The following RERE variants were observed in gnomAD, a reference collection of about 807,000 sequenced individuals.
The protein encoded by RERE is arginine-glutamic acid dipeptide repeats.
In RERE, 40 loss-of-function variants were observed where a neutral mutation model predicts 146.1. The ratio of observed to expected loss-of-function variants is 0.27; its 90% CI spans 0.21 to 0.36. The LOEUF is 0.36. RERE is among the 10% of genes least tolerant of loss of function. RERE has a pLI of 1.00. For synonymous variants in RERE, 1,003 were observed against 866.0 expected, an observed-to-expected ratio of 1.16 and a Z score of -2.78; for missense variants, 1,933 against 2,138.7, an observed-to-expected ratio of 0.90 and a Z score of 1.90.
chr1:8,541,194 G>T lies in RERE; in HGVS notation c.830+20C>A. ...AAAGGAAAAGAGTTCTCAATGAATG[G>T]ACACAAGTGACTCACTTACCTTGTC... On this transcript the variant is annotated intron_variant, in intron 7 of 22. Transcript: ENST00000400908. 7.6e-7 allele frequency: 1 copy of T among 1,310,874 alleles called. No homozygotes were observed. Among genetic ancestry groups the T allele is most frequent in the Middle Eastern group, 1.8e-4 (1 of 5,442 alleles). 81.2% of individuals were successfully genotyped at this position (1,310,874 alleles called of 1,614,324 possible).
chr1:8,464,039 G>A (rs897911744), intron 11 of RERE, among the ~76,000 whole-genome samples: 2 of 152,148 alleles, frequency 1.3e-5, no homozygotes, highest in African/African-American at 2.4e-5. Flanking sequence ...CAGGCTTACA[G>A]TAAAAAAACA....
intron 4 of RERE, among the ~76,000 whole-genome samples, chr1:8,579,870 G>A (rs1162898212): frequency 6.6e-6 from 1 of 152,198 alleles, no homozygotes; most frequent in Non-Finnish European, 1.5e-5. Flanking sequence ...TGGGCGTGGT[G>A]GCGCATGCCT....
chr1:8,671,694 AAAAGAG>A (rs1168119836), intron 1 of RERE, among the ~76,000 whole-genome samples: 6 of 152,232 alleles, frequency 3.9e-5, no homozygotes, highest in Non-Finnish European at 8.8e-5. Flanking sequence ...TGTCCATGTG[AAAAGAG>A]AAAAAGAAAA....
intron 1 of RERE, among the ~76,000 whole-genome samples, chr1:8,764,948 A>G (rs1326645943): frequency 6.6e-6 from 1 of 152,222 alleles, no homozygotes; most frequent in African/African-American, 2.4e-5. Context: ...AGTTTCTCAA[A>G]ATGTTAAACA....
At chr1:8,747,811 G>A (rs192681857) in intron 1 of RERE, among the ~76,000 whole-genome samples, 91 of 151,976 alleles carry the variant, frequency 6.0e-4, no homozygotes, top group African/African-American at 1.7e-3. Context: ...TTGCTCTGTC[G>A]CCCGCGCTGG....
chr1:8,771,637 A>G (rs961647416), intron 1 of RERE, among the ~76,000 whole-genome samples: 1 of 151,714 alleles, frequency 6.6e-6, no homozygotes, highest in Non-Finnish European at 1.5e-5. Flanking sequence ...TGGGCCGGGC[A>G]TGGTGGCTCA....
At chr1:8,808,964 T>C (rs1393104995) in intron 1 of RERE, among the ~76,000 whole-genome samples, 1 of 151,880 alleles carries the variant, frequency 6.6e-6, no homozygotes, top group Non-Finnish European at 1.5e-5. Context: ...GGTGAAACCC[T>C]GTCTCCACTA....
At chr1:8,376,711 G>A (rs1385294003) in intron 12 of RERE, among the ~76,000 whole-genome samples, 1 of 152,220 alleles carries the variant, frequency 6.6e-6, no homozygotes, top group Admixed American at 6.5e-5. Context: ...TGATGCCTGA[G>A]TCTAGATAAG....
In RERE at chr1:8,631,710, T is replaced by C. The variant is rs570040209; in HGVS notation, c.326-7330A>G. ...GTCAGCTGTGTTGGTTGAGTCCCTA[T>C]CATGAAAGTGAGTTTAGCCAATGTA... is the stretch of plus-strand genomic sequence containing the variant. On this transcript the variant is annotated intron_variant, in intron 2 of 22. Transcript: ENST00000400908. 2.6e-5 allele frequency among the ~76,000 whole-genome samples: 4 copies of C among 152,296 alleles called. No homozygotes were observed. In the South Asian group the frequency reaches 8.3e-4, roughly 32 times the overall value.
intron 12 of RERE, among the ~76,000 whole-genome samples, chr1:8,413,898 A>G (rs990479240): frequency 6.6e-6 from 1 of 151,852 alleles, no homozygotes; most frequent in Non-Finnish European, 1.5e-5. Flanking sequence ...TCTACTAAAA[A>G]TACAAAATTA....
intron 4 of RERE, among the ~76,000 whole-genome samples, chr1:8,564,832 A>G (rs12048009): frequency 0.59 from 81,630 of 138,756 alleles, 23,691 homozygotes; most frequent in East Asian, 0.82. Flanking sequence ...GTATATGTGT[A>G]TGTGTGTGTG....
intron 1 of RERE, among the ~76,000 whole-genome samples, chr1:8,715,684 G>A (rs779090670): frequency 1.3e-5 from 2 of 152,016 alleles, no homozygotes; most frequent in African/African-American, 2.4e-5. Flanking sequence ...CAGGCAGATT[G>A]CTTGAGCTCA....
intron 1 of RERE, among the ~76,000 whole-genome samples, chr1:8,693,580 G>C (rs1023414461): frequency 6.6e-6 from 1 of 152,148 alleles, no homozygotes; most frequent in Non-Finnish European, 1.5e-5. Flanking sequence ...GTGGCCAGGG[G>C]CTTGGGGGCA....
At chr1:8,807,038 G>A (rs1218209522) in intron 1 of RERE, 1 of 152,008 alleles carries the variant, frequency 6.6e-6, no homozygotes, top group African/African-American at 2.4e-5. Flanking sequence ...GTACCTTATG[G>A]GGTTCTCTTA....
chr1:8,771,773 G>C (rs1008265573), intron 1 of RERE, among the ~76,000 whole-genome samples: 3 of 151,574 alleles, frequency 2.0e-5, no homozygotes, highest in African/African-American at 7.3e-5. Context: ...AGCCAGGCGC[G>C]GTGGCGGGTG....
chr1:8,752,448 G>T (rs1055531021), intron 1 of RERE, among the ~76,000 whole-genome samples: 1 of 152,062 alleles, frequency 6.6e-6, no homozygotes, highest in Non-Finnish European at 1.5e-5. Context: ...CCTTACAAGA[G>T]AAATTCAGGT....
chr1:8,361,498 C>CA lies in RERE; in HGVS notation c.2017-9dup, dbSNP rs1401891113. On this transcript the variant is annotated splice_polypyrimidine_tract_variant and intron_variant, in intron 17 of 22. Coordinates refer to ENST00000400908, the MANE Select transcript of RERE (RefSeq NM_001042681.2). ...GTTGGGCCTGCTGATCTCCTGGAGTCAGAGAAGGGAAGGATGGAAGTCCCA... is the reference window on the plus strand; with the variant it reads ...GTTGGGCCTGCTGATCTCCTGGAGTCAAGAGAAGGGAAGGATGGAAGTCCCA... 6.2e-7 allele frequency: 1 copy of CA among 1,608,540 alleles called. No individual in the cohort carries two copies. The highest frequency in any genetic ancestry group is 8.5e-7 in the Non-Finnish European group (1 of 1,179,944).
At chr1:8,545,342 G>A (rs890000647) in intron 6 of RERE, among the ~76,000 whole-genome samples, 3 of 152,164 alleles carry the variant, frequency 2.0e-5, no homozygotes, top group African/African-American at 7.2e-5. Context: ...GCCCCAGAGA[G>A]TTTTACACCT....
chr1:8,737,433 C>A (rs1640223183), intron 1 of RERE, among the ~76,000 whole-genome samples: 1 of 152,154 alleles, frequency 6.6e-6, no homozygotes, highest in African/African-American at 2.4e-5. Flanking sequence ...CCTAAATCTC[C>A]AAAAATGTGA....
Sources: gnomAD v4.1 joint callset for allele counts (sites outside exome capture counted in the v4.1 genomes callset) on GRCh38, gnomAD v4.1.1 for gene constraint, MANE v1.5 for transcripts, NCBI Gene and HGNC (gene_info 2026-07-23, HGNC 2026-07-21) for gene names.